Variants in ARHGAP42 observed in about 807,000 individuals in gnomAD.
The protein encoded by ARHGAP42 is rho GTPase-activating protein 42.
Under a neutral mutation model 125.0 loss-of-function variants are expected in ARHGAP42, and 63 were observed. That is an observed-to-expected ratio of 0.50 (90% CI 0.41 to 0.62). The LOEUF is 0.62. Ranked by LOEUF, ARHGAP42 falls within the 20% of genes least tolerant of loss-of-function variation. The probability of loss-of-function intolerance (pLI) is 0.00; values close to 1 mark genes in which losing one functional copy is unlikely to be tolerated. For synonymous variants in ARHGAP42, 339 were observed against 351.0 expected (o/e 0.97, Z 0.38); for missense variants, 766 against 1,024.2 (o/e 0.75, Z 3.44).
At chr11:100,760,387 G>C (rs1256024847) in intron 1 of ARHGAP42, among the ~76,000 whole-genome samples, 1 of 152,114 alleles carries the variant, frequency 6.6e-6, no homozygotes, top group East Asian at 1.9e-4. Context: ...GAAGGTAATA[G>C]CTTAGTATGT....
intron 17 of ARHGAP42, among the ~76,000 whole-genome samples, chr11:100,968,443 G>T (rs957925926): frequency 6.6e-6 from 1 of 152,006 alleles, no homozygotes; most frequent in Non-Finnish European, 1.5e-5. Context: ...TTATCAGAAT[G>T]TACTTAACTT....
At chr11:100,714,187 A>T (rs1861612281) in intron 1 of ARHGAP42, among the ~76,000 whole-genome samples, 1 of 152,208 alleles carries the variant, frequency 6.6e-6, no homozygotes, top group African/African-American at 2.4e-5. Flanking sequence ...GAGCTTTTAT[A>T]TGATCTAAAG....
intron 3 of ARHGAP42, among the ~76,000 whole-genome samples, chr11:100,828,375 T>C (rs1440619180): frequency 6.6e-6 from 1 of 152,186 alleles, no homozygotes; most frequent in Non-Finnish European, 1.5e-5. Context: ...TTTGACAAAT[T>C]GCTGCTATAC....
At chr11:100,834,802 A>G (rs956645392) in intron 3 of ARHGAP42, among the ~76,000 whole-genome samples, 19 of 149,516 alleles carry the variant, frequency 1.3e-4, no homozygotes, top group African/African-American at 4.4e-4. Flanking sequence ...ATAATCCATT[A>G]TGGGGCCCCC....
intron 21 of ARHGAP42, among the ~76,000 whole-genome samples, chr11:100,977,882 T>C: frequency 6.6e-6 from 1 of 152,226 alleles, no homozygotes; most frequent in South Asian, 2.1e-4. Flanking sequence ...AATTATTCAT[T>C]AAAAGTCCAG....
At chr11:100,981,830 C>A (rs1316367470) in intron 22 of ARHGAP42, among the ~76,000 whole-genome samples, 2 of 152,066 alleles carry the variant, frequency 1.3e-5, no homozygotes, top group Non-Finnish European at 2.9e-5. Flanking sequence ...GAATCAGAGA[C>A]AGGAAAAGAA....
rs779996368 is a variant in ARHGAP42, at chr11:100,721,666, G to C, written c.154+33834G>C. Among the ~76,000 whole-genome samples the C allele has an allele frequency of 3.3e-5, 5 of 151,916 alleles. 1 individual carries two copies. The highest frequency in any genetic ancestry group is 5.9e-5 in the Non-Finnish European group (4 of 67,986). ...TTTTTGTATTTTTAGTAGGGACAAG[G>C]TTTCACCATGTAGGTCAGGGTGGTC... On this transcript the variant is annotated intron_variant, in intron 1 of 23. Transcript: ENST00000298815.
chr11:100,854,829 G>A (rs972970805), intron 3 of ARHGAP42, among the ~76,000 whole-genome samples: 2 of 152,266 alleles, frequency 1.3e-5, no homozygotes, highest in East Asian at 3.9e-4. Flanking sequence ...TTGGGACAAG[G>A]CAGAGAAGAG....
chr11:100,905,001 A>G (rs1326847998), intron 4 of ARHGAP42, among the ~76,000 whole-genome samples: 1 of 152,246 alleles, frequency 6.6e-6, no homozygotes, highest in Non-Finnish European at 1.5e-5. Flanking sequence ...AAGTTAATGA[A>G]TGAATTAATA....
intron 3 of ARHGAP42, among the ~76,000 whole-genome samples, chr11:100,819,618 CATTT>C (rs1206551157): frequency 6.6e-6 from 1 of 152,104 alleles, no homozygotes; most frequent in Non-Finnish European, 1.5e-5. Context: ...CTTAACATTT[CATTT>C]GTTTCCCCAT....
chr11:100,923,470 A>T (rs956852569), intron 6 of ARHGAP42, among the ~76,000 whole-genome samples: 8 of 152,118 alleles, frequency 5.3e-5, no homozygotes. Context: ...TTGTTTCCCT[A>T]AGTCTCTTTT....
chr11:100,892,248 C>T (rs1199296278), intron 4 of ARHGAP42, among the ~76,000 whole-genome samples: 2 of 152,096 alleles, frequency 1.3e-5, no homozygotes, highest in Non-Finnish European at 2.9e-5. Context: ...GGAACAAGAC[C>T]TTGAGGAAGA....
intron 3 of ARHGAP42, among the ~76,000 whole-genome samples, chr11:100,822,700 A>T (rs1161471357): frequency 6.6e-6 from 1 of 152,072 alleles, no homozygotes; most frequent in African/African-American, 2.4e-5. Flanking sequence ...GCCTGTGTGG[A>T]CTGTGTGGTC....
chr11:100,737,956 A>G (rs1862101919), intron 1 of ARHGAP42, among the ~76,000 whole-genome samples: 1 of 152,168 alleles, frequency 6.6e-6, no homozygotes, highest in African/African-American at 2.4e-5. Context: ...CAAGATTGCA[A>G]AGTCTTTATA....
intron 3 of ARHGAP42, among the ~76,000 whole-genome samples, chr11:100,799,701 C>T (rs75038895): frequency 0.014 from 2,062 of 152,184 alleles, 49 homozygotes; most frequent in African/African-American, 0.047. Context: ...AACTAAGTAC[C>T]ATAGTTATAA....
chr11:100,974,668 T>A (rs1858343330), intron 19 of ARHGAP42, 65 bp downstream of exon 19: 1 of 1,433,016 alleles, frequency 7.0e-7, no homozygotes, highest in Non-Finnish European at 9.3e-7. Context: ...TTTCACTGTA[T>A]TGGTAATTAG....
intron 1 of ARHGAP42, among the ~76,000 whole-genome samples, chr11:100,722,679 GC>G (rs1861782441): frequency 6.6e-6 from 1 of 152,090 alleles, no homozygotes; most frequent in Non-Finnish European, 1.5e-5. Flanking sequence ...GCAAGCCACC[GC>G]GCAAATTTTA....
chr11:100,832,222 G>A (rs1446908802), intron 3 of ARHGAP42, among the ~76,000 whole-genome samples: 4 of 152,218 alleles, frequency 2.6e-5, no homozygotes, highest in African/African-American at 7.2e-5. Context: ...ATTGTGTGGG[G>A]ATAGGCTTTT....
At chr11:100,921,228 TATATATATATATATATA>T (rs1867246349) in intron 5 of ARHGAP42, among the ~76,000 whole-genome samples, 1 of 70,880 alleles carries the variant, frequency 1.4e-5, no homozygotes, top group African/African-American at 5.6e-5. Flanking sequence ...TATATATATA[TATATATATATATATATA>T]TTTTTTTTTT....
Sources: gnomAD v4.1 joint callset for allele counts (sites outside exome capture counted in the v4.1 genomes callset) on GRCh38, gnomAD v4.1.1 for gene constraint, MANE v1.5 for transcripts, NCBI Gene and HGNC (gene_info 2026-07-23, HGNC 2026-07-21) for gene names.